PAPPA2: variants seen among roughly 807,000 people sequenced by gnomAD.
PAPPA2 encodes pappalysin-2.
PAPPA2 carries 86 observed loss-of-function variants against 176.4 expected under a neutral mutation model. The ratio of observed to expected loss-of-function variants is 0.49; its 90% confidence interval spans 0.41 to 0.58. The LOEUF is 0.58. Among genes scored for constraint, PAPPA2 ranks in the 20% least tolerant of loss-of-function variants. PAPPA2 has a pLI of 0.00. For synonymous variants in PAPPA2, 809 were observed against 852.2 expected (o/e 0.95, Z 0.88); for missense variants, 2,073 against 2,256.9 (o/e 0.92, Z 1.65).
In PAPPA2 at chr1:176,533,829, T is replaced by C. The variant is rs139542757; in HGVS notation, c.-916-21578T>C. On this transcript the variant is annotated intron_variant, in intron 1 of 22. Transcript: ENST00000367662. ...TGGACCACACTTTGAACAGAAAGGG[T>C]GTAGGCCTATGCTGTCCAACAGAGC... Among the ~76,000 whole-genome samples, 368 of 152,304 alleles carry C rather than the reference T, an allele frequency of 2.4e-3. 2 individuals are homozygous for C. Among genetic ancestry groups the C allele is most frequent in the South Asian group, 3.9e-3 (19 of 4,822 alleles).
chr1:176,540,789 A>C (rs1257605045), intron 1 of PAPPA2, among the ~76,000 whole-genome samples: 1 of 152,192 alleles, frequency 6.6e-6, no homozygotes, highest in Non-Finnish European at 1.5e-5. Context: ...GAGAGCTCCA[A>C]CACCCCCCAG....
At chr1:176,769,858 T>C (rs1418090222) in intron 16 of PAPPA2, 74 bp downstream of exon 16, 2 of 1,427,104 alleles carry the variant, frequency 1.4e-6, no homozygotes, top group Admixed American at 2.4e-5. Context: ...TTTGGGACTC[T>C]TTTCGTTACC....
At chr1:176,510,503 A>T (rs1648528854) in intron 1 of PAPPA2, among the ~76,000 whole-genome samples, 1 of 152,142 alleles carries the variant, frequency 6.6e-6, no homozygotes, top group Non-Finnish European at 1.5e-5. Context: ...TATTTATGAG[A>T]TCTGAACTAC....
At chr1:176,607,160 A>G (rs531816983) in intron 3 of PAPPA2, among the ~76,000 whole-genome samples, 3 of 152,262 alleles carry the variant, frequency 2.0e-5, no homozygotes, top group African/African-American at 7.2e-5. Context: ...TGATTAAGTC[A>G]GGGTTTTCGA....
At chr1:176,688,545 T>A (rs761377487) in intron 4 of PAPPA2, among the ~76,000 whole-genome samples, 1 of 152,164 alleles carries the variant, frequency 6.6e-6, no homozygotes, top group African/African-American at 2.4e-5. Flanking sequence ...AATAACCTTA[T>A]AACAAAAGAG....
At chr1:176,536,143 C>T (rs2102558729) in intron 1 of PAPPA2, among the ~76,000 whole-genome samples, 1 of 152,318 alleles carries the variant, frequency 6.6e-6, no homozygotes, top group Admixed American at 6.5e-5. Flanking sequence ...TAGCAACAAC[C>T]TGTCAGGAAA....
intron 3 of PAPPA2, among the ~76,000 whole-genome samples, chr1:176,638,939 C>CGTGTGTGTGTGTGT (rs34264749): frequency 1.4e-5 from 2 of 143,026 alleles, no homozygotes; most frequent in South Asian, 2.3e-4. Context: ...TGTGCATGTG[C>CGTGTGTGTGTGTGT]GTGTGTGTGT....
intron 21 of PAPPA2, among the ~76,000 whole-genome samples, chr1:176,812,713 T>G (rs1456654678): frequency 3.3e-5 from 5 of 152,190 alleles, no homozygotes; most frequent in Non-Finnish European, 7.3e-5. Context: ...TTTTATTAAA[T>G]ACTTATTTAT....
chr1:176,733,328 A>G (rs1042430532), intron 12 of PAPPA2, among the ~76,000 whole-genome samples: 4 of 152,144 alleles, frequency 2.6e-5, no homozygotes, highest in Non-Finnish European at 4.4e-5. Context: ...AAATGAATCT[A>G]TGTGGATCCC....
chr1:176,475,034 T>C (rs1652048530), intron 1 of PAPPA2, among the ~76,000 whole-genome samples: 1 of 152,204 alleles, frequency 6.6e-6, no homozygotes, highest in Non-Finnish European at 1.5e-5. Flanking sequence ...TGGTCATTGT[T>C]GGTTGGTGGT....
At chr1:176,491,063 A>G (rs1647266583) in intron 1 of PAPPA2, among the ~76,000 whole-genome samples, 1 of 152,200 alleles carries the variant, frequency 6.6e-6, no homozygotes, top group South Asian at 2.1e-4. Flanking sequence ...CCAAAGGAGA[A>G]AGAATGAATC....
At chr1:176,606,450 A>C (rs560453320) in intron 3 of PAPPA2, among the ~76,000 whole-genome samples, 175 of 152,276 alleles carry the variant, frequency 1.1e-3, no homozygotes, top group African/African-American at 4.1e-3. Context: ...AGGGATTAGG[A>C]AATACTTTAT....
At chr1:176,823,994 C>T (rs1666764083) in intron 21 of PAPPA2, among the ~76,000 whole-genome samples, 1 of 152,176 alleles carries the variant, frequency 6.6e-6, no homozygotes, top group Non-Finnish European at 1.5e-5. Context: ...AGAAAAGAGT[C>T]TGAATACAAA....
intron 21 of PAPPA2, among the ~76,000 whole-genome samples, chr1:176,829,553 C>T (rs1009365276): frequency 6.6e-6 from 1 of 152,128 alleles, no homozygotes; most frequent in African/African-American, 2.4e-5. Context: ...GAATGCTGGC[C>T]GAGGAACCAG....
intron 1 of PAPPA2, among the ~76,000 whole-genome samples, chr1:176,478,142 G>A (rs1223766013): frequency 6.6e-6 from 1 of 152,160 alleles, no homozygotes; most frequent in Non-Finnish European, 1.5e-5. Flanking sequence ...AGAATAAGAA[G>A]CTTGTGCCAG....
intron 12 of PAPPA2, among the ~76,000 whole-genome samples, chr1:176,735,869 C>T (rs1435576447): frequency 1.3e-5 from 2 of 152,058 alleles, no homozygotes; most frequent in Non-Finnish European, 2.9e-5. Context: ...TACCAATTCT[C>T]AGACCTGAGA....
intron 21 of PAPPA2, among the ~76,000 whole-genome samples, chr1:176,810,380 A>G (rs1190650689): frequency 6.6e-6 from 1 of 151,934 alleles, no homozygotes; most frequent in African/African-American, 2.4e-5. Context: ...ATGGAAGACA[A>G]TTTTTCCATG....
intron 21 of PAPPA2, among the ~76,000 whole-genome samples, chr1:176,810,026 T>C (rs1053156727): frequency 1.3e-5 from 2 of 150,520 alleles, no homozygotes; most frequent in African/African-American, 4.9e-5. Context: ...TTTGACCCTG[T>C]GAAGCACCCC....
chr1:176,500,996 C>G (rs1647928610), intron 1 of PAPPA2, among the ~76,000 whole-genome samples: 1 of 151,088 alleles, frequency 6.6e-6, no homozygotes, highest in Admixed American at 6.6e-5. Context: ...TACTAGTTTC[C>G]AAATGTTAAC....
Sources: allele counts gnomAD v4.1 joint callset (sites outside exome capture counted in the v4.1 genomes callset), GRCh38; gene constraint gnomAD v4.1.1; transcripts MANE v1.5; gene names NCBI Gene and HGNC (gene_info 2026-07-23, HGNC 2026-07-21).